INPP4A: variants seen among roughly 807,000 people sequenced by gnomAD.
The protein encoded by INPP4A is inositol polyphosphate-4-phosphatase type I A.
INPP4A carries 33 observed loss-of-function variants against 119.8 expected under a neutral mutation model. That is an observed-to-expected ratio of 0.28 (90% CI 0.21 to 0.37). The LOEUF (loss-of-function observed/expected upper bound fraction) is 0.37. Ranked by LOEUF, INPP4A falls within the 10% of genes least tolerant of loss-of-function variation. The probability of loss-of-function intolerance (pLI) is 1.00; values close to 1 mark genes in which losing one functional copy is unlikely to be tolerated. For synonymous variants in INPP4A, 496 were observed against 500.7 expected (o/e 0.99, Z 0.12); for missense variants, 956 against 1,289.9 (o/e 0.74, Z 3.97).
rs768985442 is a variant in INPP4A at position 98,555,592 on chromosome 2, A to C, written c.1606A>C (p.Ile536Leu). Residue 536 changes from isoleucine to leucine, a missense_variant, in exon 16 of 25, where the codon ATC becomes CTC. By Grantham distance (5) the Ile-to-Leu change is conservative. This residue lies in a region of INPP4A where 652 missense variants were observed against 797.9 expected (regional missense o/e 0.82). Transcript: ENST00000409851. Reference protein sequence around the residue: ...WLNVDKSLECIIQRVDKLLQK... With the variant: ...WLNVDKSLECLIQRVDKLLQK... ...GAACGTGGACAAGAGCCTAGAGTGCATCATTCAGCGTGTGGACAAGCTGCT... is the reference window on the plus strand; with the variant it reads ...GAACGTGGACAAGAGCCTAGAGTGCCTCATTCAGCGTGTGGACAAGCTGCT... 2.5e-6 allele frequency: 4 copies of C among 1,613,624 alleles called. No homozygotes were observed. Among genetic ancestry groups the C allele is most frequent in the Admixed American group, 3.3e-5 (2 of 60,014 alleles).
intron 1 of INPP4A, among the ~76,000 whole-genome samples, chr2:98,455,097 G>A (rs896211538): frequency 2.0e-5 from 3 of 152,158 alleles, no homozygotes; most frequent in African/African-American, 7.2e-5. Context: ...CCAGCACTTT[G>A]GGAGGCCAAG....
Position 98,546,517 on chromosome 2 carries a change from A to G in INPP4A, c.1055-69A>G. The G allele has an allele frequency of 1.9e-6, 2 of 1,067,162 alleles. No individual in the cohort carries two copies. Among genetic ancestry groups the G allele is most frequent in the Admixed American group, 1.9e-5 (1 of 53,394 alleles). 66.1% of individuals were successfully genotyped at this position (1,067,162 alleles called of 1,614,324 possible). A position where few individuals can be genotyped will look rare whatever the true frequency, so the allele number is the denominator to read the frequency against. ...GGGTCAGGACCCCAGACTTGTGTGC[A>G]TATCCCTATAGCTGGCTTGTCCACA... is the stretch of plus-strand genomic sequence containing the variant. On this transcript the variant is annotated intron_variant, in intron 12 of 24. Coordinates refer to ENST00000409851, the MANE Select transcript of INPP4A (RefSeq NM_001134225.2). This position sits in a 1 kb window ranked among gnomAD's most constrained non-coding sequence, Gnocchi z 4.2.
At chr2:98,481,109 A>G (rs747662774) in intron 1 of INPP4A, among the ~76,000 whole-genome samples, 3 of 152,198 alleles carry the variant, frequency 2.0e-5, no homozygotes, top group African/African-American at 4.8e-5. Flanking sequence ...CAATGCCAAC[A>G]CTGGGGAGGG....
chr2:98,491,587 TGCGTTTA>T (rs1365193862), intron 1 of INPP4A, among the ~76,000 whole-genome samples: 1 of 152,148 alleles, frequency 6.6e-6, no homozygotes, highest in Non-Finnish European at 1.5e-5. Context: ...GCAAGCCAGG[TGCGTTTA>T]ATAAGATCTG....
At chr2:98,485,976 T>A (rs530177641) in intron 1 of INPP4A, among the ~76,000 whole-genome samples, 14 of 152,286 alleles carry the variant, frequency 9.2e-5, no homozygotes, top group African/African-American at 3.4e-4. Context: ...GGCCTCCAGA[T>A]GAAAAGGTTA....
chr2:98,551,804 C>T (rs1278868352), intron 13 of INPP4A, among the ~76,000 whole-genome samples: 5 of 152,238 alleles, frequency 3.3e-5, no homozygotes, highest in Non-Finnish European at 5.9e-5. Flanking sequence ...AGGAGGAGAC[C>T]TCTGCATTGG....
At chr2:98,581,363 G>A (rs180850817) in intron 24 of INPP4A, among the ~76,000 whole-genome samples, 6 of 151,832 alleles carry the variant, frequency 4.0e-5, no homozygotes, top group Admixed American at 1.3e-4. Flanking sequence ...AACTGTGCTG[G>A]TTTTGTTTTG....
chr2:98,505,275 T>C (rs987357531), intron 1 of INPP4A, among the ~76,000 whole-genome samples: 1 of 152,186 alleles, frequency 6.6e-6, no homozygotes, highest in Non-Finnish European at 1.5e-5. Context: ...CTTCCAAGGG[T>C]GCACTTTGCC....
chr2:98,446,494 C>T (rs1694217031), intron 1 of INPP4A, among the ~76,000 whole-genome samples: 1 of 151,980 alleles, frequency 6.6e-6, no homozygotes, highest in Admixed American at 6.6e-5. Flanking sequence ...TGCATGTGAA[C>T]GGGCCTCTCG....
At chr2:98,446,838 T>C (rs1694267392) in intron 1 of INPP4A, among the ~76,000 whole-genome samples, 1 of 152,020 alleles carries the variant, frequency 6.6e-6, no homozygotes, top group Non-Finnish European at 1.5e-5. Context: ...GCTGTTAAAC[T>C]GAATATTAGC....
chr2:98,488,979 G>GTC (rs1558931754), intron 1 of INPP4A, among the ~76,000 whole-genome samples: 1 of 147,474 alleles, frequency 6.8e-6, no homozygotes, highest in African/African-American at 2.6e-5. Context: ...GTGTGTGTGT[G>GTC]TGTGTAAATG....
chr2:98,473,024 TGTG>T (rs1676382194), intron 1 of INPP4A, among the ~76,000 whole-genome samples: 6 of 137,306 alleles, frequency 4.4e-5, no homozygotes, highest in Admixed American at 1.4e-4. Flanking sequence ...CAGTGAAGAG[TGTG>T]GAGGGCAGTG....
intron 19 of INPP4A, among the ~76,000 whole-genome samples, chr2:98,565,194 A>G (rs1037718603): frequency 6.6e-6 from 1 of 152,190 alleles, no homozygotes; most frequent in Non-Finnish European, 1.5e-5. Flanking sequence ...TTATTTATTT[A>G]TTCTGAGAAG....
intron 1 of INPP4A, among the ~76,000 whole-genome samples, chr2:98,448,076 C>G (rs1376511205): frequency 6.7e-6 from 1 of 148,894 alleles, no homozygotes; most frequent in Non-Finnish European, 1.5e-5. Flanking sequence ...AAAATCATGG[C>G]CGGGCGCAGT....
rs185511232 is a variant in INPP4A at position 98,450,110 on chromosome 2, T to A, written c.-166+5025T>A. Reference sequence around the variant, plus strand: ...GTGTGATGCTTTTTTAATTTTTTTTTAAAGTCCTAAATGACAAGGAACCCA... The same window carrying A: ...GTGTGATGCTTTTTTAATTTTTTTTAAAAGTCCTAAATGACAAGGAACCCA... On this transcript the variant is annotated intron_variant, in intron 1 of 24. Transcript: ENST00000409851. Among the ~76,000 whole-genome samples the A allele has an allele frequency of 2.6e-3, 398 of 152,260 alleles. 4 individuals carry two copies. The highest frequency in any genetic ancestry group is 1.4e-3 in the Non-Finnish European group (98 of 68,008).
At chr2:98,493,238 T>C (rs544508808) in intron 1 of INPP4A, among the ~76,000 whole-genome samples, 21 of 152,138 alleles carry the variant, frequency 1.4e-4, no homozygotes, top group Admixed American at 5.9e-4. Context: ...TGGATGTTGG[T>C]TGTGAGTGGG....
intron 2 of INPP4A, chr2:98,519,730 C>T: frequency 8.1e-6 from 3 of 368,586 alleles, no homozygotes; most frequent in Non-Finnish European, 1.5e-5. Context: ...GACAGGACAT[C>T]CTCAAGGGAT....
intron 1 of INPP4A, among the ~76,000 whole-genome samples, chr2:98,507,297 CT>C (rs202089334): frequency 0.011 from 1,658 of 152,256 alleles, 29 homozygotes; most frequent in African/African-American, 0.038. Context: ...TTATAGATCA[CT>C]TTTTTTCTAA....
chr2:98,534,309 G>A (rs1462567909), intron 5 of INPP4A, among the ~76,000 whole-genome samples: 2 of 152,234 alleles, frequency 1.3e-5, no homozygotes, highest in Non-Finnish European at 2.9e-5. Context: ...CAGCTGGTGG[G>A]TGGGGAGGCA....
Sources: gnomAD v4.1 joint callset for allele counts (sites outside exome capture counted in the v4.1 genomes callset) on GRCh38, gnomAD v4.1.1 for gene constraint, gnomAD v4.1.1 regional missense constraint, Gnocchi (gnomAD v3.1) non-coding constraint, MANE v1.5 for transcripts, NCBI Gene and HGNC (gene_info 2026-07-23, HGNC 2026-07-21) for gene names.